CASP5: variants seen among roughly 807,000 people sequenced by gnomAD.
CASP5 encodes the protein caspase-5.
CASP5 carries 42 observed loss-of-function variants against 45.2 expected under a neutral mutation model. The observed-to-expected ratio is 0.93, with a 90% CI of 0.73 to 1.20. The LOEUF (loss-of-function observed/expected upper bound fraction) is 1.20, where lower values mean the gene tolerates loss of function less well. Among genes scored for constraint, CASP5 ranks in the 50% most tolerant of loss-of-function variants. The pLI, the probability that CASP5 is intolerant of heterozygous loss-of-function variation, is 0.00. For missense variants in CASP5, 512 were observed against 532.2 expected (o/e 0.96, Z 0.37); for synonymous variants, 209 against 186.2 (o/e 1.12, Z -1.00).
At chr11:105,022,986 C>A in intron 1 of CASP5, 144 bp downstream of exon 1, 1 of 760,918 alleles carries the variant, frequency 1.3e-6, no homozygotes, top group South Asian at 1.6e-5. Flanking sequence ...ATTCAAACTA[C>A]ATACCACCAA....
At chr11:105,009,789 A>T (rs1402086872) in intron 1 of CASP5, among the ~76,000 whole-genome samples, 1 of 117,090 alleles carries the variant, frequency 8.5e-6, no homozygotes, top group East Asian at 2.1e-4. Flanking sequence ...ATATATATAC[A>T]CACGTATATA....
chr11:104,994,709 C>T (rs555943837), intron 9 of CASP5, among the ~76,000 whole-genome samples: 1 of 152,332 alleles, frequency 6.6e-6, no homozygotes, highest in African/African-American at 2.4e-5. Context: ...CACACTATCT[C>T]ATTGTAGTTC....
intron 3 of CASP5, among the ~76,000 whole-genome samples, chr11:105,006,385 A>C (rs888267319): frequency 5.3e-5 from 8 of 152,170 alleles, no homozygotes; most frequent in Non-Finnish European, 1.2e-4. Flanking sequence ...GATCTCCATT[A>C]ATTACTCTTA....
At chr11:105,013,535 TTAAA>T (rs1405436516) in intron 1 of CASP5, among the ~76,000 whole-genome samples, 4 of 152,100 alleles carry the variant, frequency 2.6e-5, no homozygotes, top group Admixed American at 6.6e-5. Context: ...TATTTGCCAA[TTAAA>T]TAAATAAAAT....
intron 9 of CASP5, among the ~76,000 whole-genome samples, chr11:104,994,944 C>A (rs1320307890): frequency 6.6e-6 from 1 of 152,148 alleles, no homozygotes; most frequent in Non-Finnish European, 1.5e-5. Flanking sequence ...AATGAGACAG[C>A]CAAGTAAAAA....
intron 1 of CASP5, among the ~76,000 whole-genome samples, chr11:105,011,834 G>A (rs1862365118): frequency 6.6e-6 from 1 of 151,602 alleles, no homozygotes; most frequent in Non-Finnish European, 1.5e-5. Context: ...TTCATGAATT[G>A]GAAAATATTA....
At chr11:105,001,499 T>C (rs922976164) in intron 5 of CASP5, among the ~76,000 whole-genome samples, 3 of 152,126 alleles carry the variant, frequency 2.0e-5, no homozygotes, top group African/African-American at 7.2e-5. Flanking sequence ...ACCTCATCTC[T>C]GTTAAAAATA....
intron 6 of CASP5, among the ~76,000 whole-genome samples, 157 bp from the exon 7 acceptor site, chr11:104,999,185 T>C (rs776648653): frequency 6.6e-6 from 1 of 152,166 alleles, no homozygotes; most frequent in Non-Finnish European, 1.5e-5. Context: ...AGTATTTGTC[T>C]TAAGGCTCTC....
chr11:105,010,808 T>A (rs1862313951), intron 1 of CASP5, among the ~76,000 whole-genome samples: 1 of 151,644 alleles, frequency 6.6e-6, no homozygotes, highest in East Asian at 1.9e-4. Context: ...AAAAACTCCA[T>A]GCAAAATGTA....
At chr11:104,998,764 A>G in intron 7 of CASP5, 121 bp downstream of exon 7, 1 of 935,626 alleles carries the variant, frequency 1.1e-6, no homozygotes. Flanking sequence ...TGCAAAATAT[A>G]TAGAGAGCAC....
intron 1 of CASP5, among the ~76,000 whole-genome samples, chr11:105,019,230 A>T (rs1472669421): frequency 6.6e-6 from 1 of 151,192 alleles, no homozygotes; most frequent in South Asian, 2.1e-4. Context: ...ACACCCTAAC[A>T]TCACAATTAA....
At position 105,000,498 on chromosome 11, in the gene CASP5, A is replaced by G. The variant is rs768902152; in HGVS notation, c.718-3T>C. ...GCCCTCAGCACTGACTCCATATCCT[A>G]TAAAAGAGCAATGTCTAACTTCAGT... On this transcript the variant is annotated splice_region_variant and splice_polypyrimidine_tract_variant and intron_variant, in intron 5 of 9. Coordinates refer to ENST00000260315, the MANE Select transcript of CASP5 (RefSeq NM_004347.5). 5.0e-6 allele frequency: 8 copies of G among 1,613,218 alleles called. No homozygotes were observed. Among genetic ancestry groups the G allele is most frequent in the South Asian group, 3.3e-5 (3 of 91,060 alleles).
At position 105,009,981 on chromosome 11, in the gene CASP5, A is replaced by G. The variant is rs185703666; in HGVS notation, c.8-1001T>C. Among the ~76,000 whole-genome samples, 743 of 149,988 alleles carry G rather than the reference A, an allele frequency of 5.0e-3. 4 individuals are homozygous for G. The highest frequency in any genetic ancestry group is 7.2e-3 in the Non-Finnish European group (483 of 67,164). ...AAAGTAATAAATCACTTATTTCAAT[A>G]CAAGAGATATGATTTAAGCAGGTTG... On this transcript the variant is annotated intron_variant, in intron 1 of 9. Transcript: ENST00000260315.
At chr11:105,013,657 A>C (rs1862456313) in intron 1 of CASP5, among the ~76,000 whole-genome samples, 1 of 152,118 alleles carries the variant, frequency 6.6e-6, no homozygotes, top group Non-Finnish European at 1.5e-5. Context: ...TAAATGACTC[A>C]AATTTATGGA....
chr11:105,014,167 T>TC (rs532305741), intron 1 of CASP5, among the ~76,000 whole-genome samples: 113 of 152,278 alleles, frequency 7.4e-4, no homozygotes, highest in African/African-American at 2.6e-3. Flanking sequence ...TCTGATACTG[T>TC]CCCCACCTTG....
At chr11:105,017,530 G>A (rs1347880646) in intron 1 of CASP5, among the ~76,000 whole-genome samples, 1 of 152,070 alleles carries the variant, frequency 6.6e-6, no homozygotes, top group Non-Finnish European at 1.5e-5. Context: ...AGGAGCCGAT[G>A]CGATCAACTG....
intron 1 of CASP5, among the ~76,000 whole-genome samples, chr11:105,014,105 C>G (rs1164349171): frequency 6.6e-6 from 1 of 152,094 alleles, no homozygotes; most frequent in African/African-American, 2.4e-5. Context: ...TAGATTTGAC[C>G]ATGAAACGTC....
intron 3 of CASP5, among the ~76,000 whole-genome samples, chr11:105,005,791 T>TTTG (rs199963576): frequency 0.018 from 2,696 of 152,318 alleles, 30 homozygotes; most frequent in South Asian, 0.036. Flanking sequence ...ATGATTCCTA[T>TTTG]TTGTTGCATT....
At chr11:105,007,858 C>G (rs1450692839) in intron 2 of CASP5, among the ~76,000 whole-genome samples, 1 of 152,074 alleles carries the variant, frequency 6.6e-6, no homozygotes, top group Non-Finnish European at 1.5e-5. Flanking sequence ...GCCCAAAATG[C>G]TTAAAAGTAC....
Sources: gnomAD v4.1 joint callset for allele counts (sites outside exome capture counted in the v4.1 genomes callset) on GRCh38, gnomAD v4.1.1 for gene constraint, MANE v1.5 for transcripts, NCBI Gene and HGNC (gene_info 2026-07-23, HGNC 2026-07-21) for gene names.